Variants in PYGB observed in about 807,000 individuals in gnomAD.
PYGB encodes glycogen phosphorylase B.
Under a neutral mutation model 94.3 loss-of-function variants are expected in PYGB, and 82 were observed. The ratio of observed to expected loss-of-function variants is 0.87; its 90% CI spans 0.73 to 1.04. PYGB has a LOEUF of 1.04. PYGB is among the 50% of genes least tolerant of loss of function. PYGB has a pLI of 0.00. For synonymous variants in PYGB, 488 were observed against 479.1 expected (o/e 1.02, Z -0.24); for missense variants, 1,132 against 1,158.2 (o/e 0.98, Z 0.33).
intron 3 of PYGB, among the ~76,000 whole-genome samples, chr20:25,269,844 G>A (rs963334518): frequency 8.5e-5 from 13 of 152,170 alleles, no homozygotes; most frequent in African/African-American, 2.7e-4. Flanking sequence ...CCGGCCCCGA[G>A]ACCTGCTTCC....
chr20:25,280,385 C>G lies in PYGB; in HGVS notation c.1212C>G (p.Ile404Met), dbSNP rs763351855. 4.3e-6 allele frequency: 7 copies of G among 1,614,180 alleles called. No individual in the cohort carries two copies. Among genetic ancestry groups the G allele is most frequent in the Non-Finnish European group, 5.9e-6 (7 of 1,180,018 alleles). The change falls in exon 10 of 20, where the codon ATC becomes ATG. Residue 404 changes from isoleucine to methionine, a missense_variant. Physicochemically the swap from Ile to Met is conservative, Grantham distance 10. Transcript: ENST00000216962. ...EKLLPRHLEI[I>M]YAINQRHLDH... The stretch of plus-strand genomic sequence containing the variant: ...TGCTGCCGCGGCACCTGGAGATAAT[C>G]TATGCCATCAACCAGCGGCACCTGG...
chr20:25,251,767 G>A (rs772309228), intron 1 of PYGB, among the ~76,000 whole-genome samples: 13 of 152,234 alleles, frequency 8.5e-5, no homozygotes, highest in African/African-American at 1.4e-4. Context: ...TGCAGTGGAT[G>A]TAACAATCAG....
chr20:25,276,546 C>A, intron 5 of PYGB, 100 bp from the exon 6 acceptor site: 2 of 929,520 alleles, frequency 2.2e-6, no homozygotes, highest in Non-Finnish European at 3.4e-6. Context: ...GGGGGGCCAG[C>A]AGGGCGCCAG....
chr20:25,294,261 GACATCGTGA>G lies in PYGB; in HGVS notation c.2286_2294del (p.Ile762_Asn764del), dbSNP rs754653623. ...TCCCAAGGAGCCAGACTGCTTCAAG[GACATCGTGA>G]ACATGCTGATGCACCATGACAGGTG... On this transcript the variant is annotated inframe_deletion, in exon 18 of 20. Transcript: ENST00000216962. 7.2e-7 allele frequency: 1 copy of G among 1,392,668 alleles called. No homozygotes were observed. The highest frequency in any genetic ancestry group is 1.5e-5 in the African/African-American group (1 of 67,506). 86.3% of individuals were successfully genotyped at this position (1,392,668 alleles called of 1,614,324 possible). A position where few individuals can be genotyped will look rare whatever the true frequency, so the allele number is the denominator to read the frequency against.
In PYGB at chr20:25,294,947, A is replaced by G. The variant is rs922043516; in HGVS notation, c.2312+655A>G. 6.2e-6 allele frequency: 10 copies of G among 1,613,738 alleles called. No homozygotes were observed. The African/African-American group carries it at 1.2e-4, about 19-fold the overall frequency. On this transcript the variant is annotated intron_variant, in intron 18 of 19. Coordinates refer to ENST00000216962, the MANE Select transcript of PYGB (RefSeq NM_002862.4). ...TTTTAGTTTTGTCTGCTGCTCTTCG[A>G]TGACCGTGTCACCTGTTGGCTTCAG...
intron 4 of PYGB, 60 bp downstream of exon 4, chr20:25,271,546 G>A: frequency 6.5e-7 from 1 of 1,542,314 alleles, no homozygotes; most frequent in Non-Finnish European, 9.0e-7. Context: ...TAAAATGGCA[G>A]CACTTGCAGT....
At chr20:25,274,838 G>A in intron 5 of PYGB, 115 bp downstream of exon 5, 1 of 1,447,156 alleles carries the variant, frequency 6.9e-7, no homozygotes, top group Non-Finnish European at 9.3e-7. Context: ...CCTCCCTGGA[G>A]GACTTAAGGT....
intron 16 of PYGB, 147 bp downstream of exon 16, chr20:25,290,769 G>A (rs563121806): frequency 5.9e-6 from 7 of 1,186,378 alleles, no homozygotes; most frequent in East Asian, 2.4e-5. Flanking sequence ...AGCAGGGAAC[G>A]GCTTTAGGGA....
At chr20:25,279,008 G>T (rs768858487) in intron 8 of PYGB, 49 bp from the exon 9 acceptor site, 5 of 1,553,434 alleles carry the variant, frequency 3.2e-6, no homozygotes. Context: ...AACCGTGGGT[G>T]CCCACGTGGG....
rs779222213 is a variant in PYGB at position 25,282,083 on chromosome 20, A to G, written c.1454A>G (p.Asn485Ser). The part of the protein sequence containing the change: ...LEPEKFQNKT[N>S]GITPRRWLLL... ...CCAGAGAAGTTCCAGAATAAGACCA[A>G]TGGCATCACCCCCCGCCGGTGGCTG... Residue 485 changes from asparagine to serine, a missense_variant, in exon 12 of 20, where the codon AAT (asparagine) becomes AGT (serine). Physicochemically the swap from Asn to Ser is conservative, Grantham distance 46. Transcript: ENST00000216962. 2.5e-6 allele frequency: 4 copies of G among 1,614,016 alleles called. No individual in the cohort carries two copies. The highest frequency in any genetic ancestry group is 2.2e-5 in the East Asian group (1 of 44,864).
At chr20:25,274,986 G>C (rs1428827353) in intron 5 of PYGB, among the ~76,000 whole-genome samples, 2 of 151,164 alleles carry the variant, frequency 1.3e-5, no homozygotes, top group Admixed American at 6.6e-5. Flanking sequence ...GTGTGTTGGG[G>C]CTAAGAATGC....
intron 10 of PYGB, 129 bp from the exon 11 acceptor site, chr20:25,280,820 C>G (rs2088359379): frequency 4.8e-6 from 6 of 1,252,278 alleles, no homozygotes; most frequent in Non-Finnish European, 6.6e-6. Flanking sequence ...GCTGTCACAG[C>G]CCCAGAACTT....
intron 5 of PYGB, among the ~76,000 whole-genome samples, chr20:25,275,042 C>T (rs2088298892): frequency 6.6e-6 from 1 of 152,234 alleles, no homozygotes; most frequent in Non-Finnish European, 1.5e-5. Flanking sequence ...AACCCCGCTG[C>T]TTAAGGGCAG....
intron 16 of PYGB, among the ~76,000 whole-genome samples, chr20:25,290,981 C>T (rs2088462183): frequency 1.3e-5 from 2 of 151,386 alleles, no homozygotes; most frequent in Admixed American, 1.3e-4. Flanking sequence ...CCTGCCTGGC[C>T]TGCCCTCTGT....
At chr20:25,252,810 A>G (rs113115421) in intron 1 of PYGB, among the ~76,000 whole-genome samples, 2 of 152,262 alleles carry the variant, frequency 1.3e-5, no homozygotes, top group Non-Finnish European at 2.9e-5. Flanking sequence ...ACCTAGTGTG[A>G]TTATTGGCCA....
intron 1 of PYGB, among the ~76,000 whole-genome samples, chr20:25,254,827 C>T (rs182079764): frequency 5.9e-5 from 9 of 152,072 alleles, no homozygotes; most frequent in South Asian, 2.1e-4. Context: ...GCATAGAAGG[C>T]GGGAGACAGT....
In PYGB at chr20:25,284,222, A is replaced by G. The variant is rs2088396856; in HGVS notation, c.1739A>G (p.Asn580Ser). ...RIHEYKRQLL[N>S]CLHVVTLYNR... ...CACGAGTACAAGCGGCAGCTGCTCA[A>G]CTGCCTGCACGTCGTCACCCTGTAC... Residue 580 changes from asparagine (N) to serine (S), a missense_variant, in exon 14 of 20, where the codon AAC (asparagine) becomes AGC (serine). By Grantham distance (46) the Asn-to-Ser change is conservative. Coordinates refer to ENST00000216962, the MANE Select transcript of PYGB (RefSeq NM_002862.4). The G allele has an allele frequency of 1.9e-6, 3 of 1,614,114 alleles. No homozygotes were observed. Among genetic ancestry groups the G allele is most frequent in the Non-Finnish European group, 2.5e-6 (3 of 1,179,986 alleles).
At chr20:25,255,611 C>T (rs1264831641) in intron 1 of PYGB, among the ~76,000 whole-genome samples, 1 of 152,194 alleles carries the variant, frequency 6.6e-6, no homozygotes, top group East Asian at 1.9e-4. Flanking sequence ...CATGCTGGCA[C>T]CGACAGAATC....
chr20:25,296,615 G>T lies in PYGB; in HGVS notation c.*93G>T, dbSNP rs1053164781. ...CCAAACACTTTGCCAGCCACTGGTG[G>T]TCCCTGCTTTTCTGAGTACCATGTT... On this transcript the variant is annotated 3_prime_UTR_variant, in exon 20 of 20. Coordinates refer to ENST00000216962, the MANE Select transcript of PYGB (RefSeq NM_002862.4). The T allele has an allele frequency of 1.4e-6, 2 of 1,465,110 alleles. No homozygotes were observed. Among genetic ancestry groups the T allele is most frequent in the South Asian group, 1.3e-5 (1 of 76,052 alleles). 90.8% of individuals were successfully genotyped at this position (1,465,110 alleles called of 1,614,324 possible). A position where few individuals can be genotyped will look rare whatever the true frequency, so the allele number is the denominator to read the frequency against.
Sources: allele counts gnomAD v4.1 joint callset (sites outside exome capture counted in the v4.1 genomes callset), GRCh38; gene constraint gnomAD v4.1.1; transcripts MANE v1.5; gene names NCBI Gene and HGNC (gene_info 2026-07-23, HGNC 2026-07-21).